TDRD12: variants seen among roughly 807,000 people sequenced by gnomAD.
TDRD12 encodes tudor domain containing 12.
TDRD12 carries 158 observed loss-of-function variants against 133.5 expected under a neutral mutation model. The ratio of observed to expected loss-of-function variants is 1.18; its 90% CI spans 1.04 to 1.35. TDRD12 has a LOEUF of 1.35. Ranked by LOEUF, TDRD12 falls within the 40% of genes most tolerant of loss-of-function variation. The pLI is 0.00. For synonymous variants in TDRD12, 460 were observed against 477.9 expected, an observed-to-expected ratio of 0.96 and a Z score of 0.49; for missense variants, 1,443 against 1,321.3, an observed-to-expected ratio of 1.09 and a Z score of -1.43.
At chr19:32,777,942 C>T (rs1970656322) in intron 11 of TDRD12, among the ~76,000 whole-genome samples, 1 of 133,506 alleles carries the variant, frequency 7.5e-6, no homozygotes, top group Non-Finnish European at 1.5e-5. Flanking sequence ...AAGTCCTGGC[C>T]TCAAATGATT....
At chr19:32,814,848 C>T (rs1967121934) in intron 25 of TDRD12, among the ~76,000 whole-genome samples, 1 of 152,142 alleles carries the variant, frequency 6.6e-6, no homozygotes, top group African/African-American at 2.4e-5. Flanking sequence ...AGGAAGGGGC[C>T]CCAGCCAGGG....
rs1196946849 is a variant in TDRD12 at position 32,821,024 on chromosome 19, C to G, written c.3384-9C>G. 7 of 1,534,734 alleles carry G rather than the reference C, an allele frequency of 4.6e-6. No homozygotes were observed. In the East Asian group the frequency reaches 1.5e-4, roughly 32 times the overall value. On this transcript the variant is annotated splice_polypyrimidine_tract_variant and intron_variant, in intron 27 of 27. Transcript: ENST00000444215. ...GAGCCAGGTGTTAACCCCTGCCTCTCCCGTCTAGGACGCCTCCAGCAGAAG... is the reference window on the plus strand; with the variant it reads ...GAGCCAGGTGTTAACCCCTGCCTCTGCCGTCTAGGACGCCTCCAGCAGAAG...
chr19:32,823,127 C>T (rs1362010433), downstream of TDRD12, among the ~76,000 whole-genome samples: 5 of 152,160 alleles, frequency 3.3e-5, no homozygotes, highest in African/African-American at 1.2e-4. Context: ...GCTCTGCTCC[C>T]TTTGATATGC....
intron 6 of TDRD12, among the ~76,000 whole-genome samples, chr19:32,752,831 C>A (rs368377024): frequency 3.7e-5 from 5 of 136,610 alleles, no homozygotes; most frequent in African/African-American, 8.3e-5. Context: ...CTCACTCTGT[C>A]GCTCAGGCTG....
exon 24 of TDRD12, chr19:32,811,277 A>T (rs1193308787): frequency 6.5e-7 from 1 of 1,536,138 alleles, no homozygotes; most frequent in Admixed American, 2.0e-5. Context: ...TGTAGAGTTC[A>T]TCGATGAAGG....
chr19:32,796,981 CT>C (rs1157185010), intron 14 of TDRD12, among the ~76,000 whole-genome samples: 252 of 135,212 alleles, frequency 1.9e-3, no homozygotes, highest in Middle Eastern at 3.8e-3. Context: ...AGAGGTTCGT[CT>C]TTTTTTTTTT....
intron 13 of TDRD12, among the ~76,000 whole-genome samples, chr19:32,791,954 A>G (rs1971085963): frequency 6.6e-6 from 1 of 151,996 alleles, no homozygotes; most frequent in Admixed American, 6.6e-5. Context: ...TTAAAAAAAA[A>G]AAAAAAGACC....
downstream of TDRD12, among the ~76,000 whole-genome samples, chr19:32,821,954 A>G (rs899081579): frequency 6.6e-6 from 1 of 152,168 alleles, no homozygotes; most frequent in Non-Finnish European, 1.5e-5. Flanking sequence ...GTTAGGTGCC[A>G]TAAAGAAAAA....
exon 23 of TDRD12, chr19:32,810,163 A>T: frequency 6.5e-7 from 1 of 1,535,352 alleles, no homozygotes; most frequent in Non-Finnish European, 8.7e-7. Context: ...ATGGATCTTT[A>T]TGCAACTCTC....
intron 1 of TDRD12, among the ~76,000 whole-genome samples, chr19:32,729,574 C>G (rs1407082378): frequency 6.6e-6 from 1 of 151,166 alleles, no homozygotes; most frequent in Admixed American, 6.6e-5. Flanking sequence ...GTGTGTGTAT[C>G]TATATCTATA....
chr19:32,755,880 T>A, intron 6 of TDRD12, 112 bp from the exon 7 acceptor site: 1 of 778,424 alleles, frequency 1.3e-6, no homozygotes, highest in Non-Finnish European at 1.9e-6. Context: ...GATTATGTTC[T>A]GTAAAATAAT....
At chr19:32,746,302 C>G (rs1455399016) in intron 4 of TDRD12, among the ~76,000 whole-genome samples, 15 of 59,646 alleles carry the variant, frequency 2.5e-4, no homozygotes, top group Non-Finnish European at 3.7e-4. Flanking sequence ...CTGTGTGTGA[C>G]AGAGGGGGAG....
At chr19:32,720,157 C>G (rs1232650222) in intron 1 of TDRD12, 61 bp downstream of exon 1, 32 of 1,418,420 alleles carry the variant, frequency 2.3e-5, no homozygotes, top group Admixed American at 4.9e-5. Context: ...CCACCCCAGC[C>G]GCGCACAGCC....
At chr19:32,760,168 G>C (rs1453264579) in intron 8 of TDRD12, among the ~76,000 whole-genome samples, 2 of 152,206 alleles carry the variant, frequency 1.3e-5, no homozygotes, top group Non-Finnish European at 2.9e-5. Flanking sequence ...AGGAGTCCCA[G>C]CTTGCTGGGC....
At chr19:32,751,190 G>A (rs1969816666) in intron 6 of TDRD12, among the ~76,000 whole-genome samples, 2 of 143,954 alleles carry the variant, frequency 1.4e-5, no homozygotes, top group Non-Finnish European at 3.0e-5. Flanking sequence ...ACTTATAAGC[G>A]AGAACATGCA....
chr19:32,814,104 T>C (rs57292538), intron 25 of TDRD12, among the ~76,000 whole-genome samples: 10,783 of 152,270 alleles, frequency 0.071, 672 homozygotes, highest in East Asian at 0.24. Context: ...AACTTTCTCA[T>C]TCACCACGCA....
At chr19:32,826,525 T>C (rs1401657864) in exon 9 of TDRD12, 40 of 1,249,076 alleles carry the variant, frequency 3.2e-5, no homozygotes, top group Non-Finnish European at 4.0e-5. Flanking sequence ...CAATGTGTGA[T>C]TAGAAACGAT....
intron 11 of TDRD12, among the ~76,000 whole-genome samples, chr19:32,788,875 C>T (rs920457696): frequency 1.3e-5 from 2 of 152,186 alleles, no homozygotes; most frequent in African/African-American, 4.8e-5. Flanking sequence ...TCTCTGGCCC[C>T]TGGGGCTAAA....
At chr19:32,726,076 A>G (rs1968849457) in intron 1 of TDRD12, among the ~76,000 whole-genome samples, 1 of 151,530 alleles carries the variant, frequency 6.6e-6, no homozygotes, top group Admixed American at 6.6e-5. Context: ...TATTAAATAC[A>G]TTCATAATTT....
Sources: gnomAD v4.1 joint callset for allele counts (sites outside exome capture counted in the v4.1 genomes callset) on GRCh38, gnomAD v4.1.1 for gene constraint, MANE v1.5 for transcripts, NCBI Gene and HGNC (gene_info 2026-07-23, HGNC 2026-07-21) for gene names.